Variants in CRYL1 observed in about 807,000 individuals in gnomAD.
CRYL1 encodes the protein lambda-crystallin homolog.
A neutral mutation model predicts 36.6 loss-of-function variants in CRYL1; 29 were observed. The ratio of observed to expected loss-of-function variants is 0.79; its 90% CI spans 0.59 to 1.08. The LOEUF is 1.08. CRYL1 is among the 50% of genes least tolerant of loss of function. The pLI is 0.00. For missense variants in CRYL1, 411 were observed against 407.9 expected, an observed-to-expected ratio of 1.01 and a Z score of -0.06; for synonymous variants, 152 against 151.5, an observed-to-expected ratio of 1.00 and a Z score of -0.02.
chr13:20,494,811 C>T (rs539151745), intron 2 of CRYL1, among the ~76,000 whole-genome samples: 60 of 152,356 alleles, frequency 3.9e-4, no homozygotes, highest in African/African-American at 1.4e-3. Context: ...TCGCCTCTTT[C>T]AGAGCAGACT....
chr13:20,491,582 G>A (rs1454098464), intron 2 of CRYL1, among the ~76,000 whole-genome samples: 2 of 152,172 alleles, frequency 1.3e-5, no homozygotes, highest in African/African-American at 4.8e-5. Flanking sequence ...CTTGAGGACG[G>A]GAGTTTGAGA....
chr13:20,472,124 G>C (rs1166788823), intron 3 of CRYL1, among the ~76,000 whole-genome samples: 1 of 152,026 alleles, frequency 6.6e-6, no homozygotes, highest in East Asian at 1.9e-4. Flanking sequence ...GCCTCCCAAA[G>C]TGTTAAGATT....
chr13:20,453,973 A>C (rs985650605), intron 3 of CRYL1, among the ~76,000 whole-genome samples: 3 of 152,210 alleles, frequency 2.0e-5, no homozygotes, highest in Non-Finnish European at 4.4e-5. Context: ...AGAAAACCTC[A>C]TTAGTCTATT....
intron 2 of CRYL1, among the ~76,000 whole-genome samples, chr13:20,505,359 C>CAAAAAAAAAAAATAA (rs2033775629): frequency 1.1e-5 from 1 of 91,222 alleles, no homozygotes; most frequent in African/African-American, 3.7e-5. Flanking sequence ...TCTATCCCAC[C>CAAAAAAAAAAAATAA]AAAAAAAAAA....
At chr13:20,499,209 G>C (rs1190772478) in intron 2 of CRYL1, among the ~76,000 whole-genome samples, 3 of 152,104 alleles carry the variant, frequency 2.0e-5, no homozygotes, top group Non-Finnish European at 4.4e-5. Context: ...AGCTGGGTGT[G>C]ATGGCGCATG....
intron 3 of CRYL1, among the ~76,000 whole-genome samples, chr13:20,465,988 C>T (rs564070903): frequency 1.4e-4 from 21 of 151,378 alleles, no homozygotes; most frequent in Non-Finnish European, 2.9e-4. Flanking sequence ...TTCTCCCTTT[C>T]ACCATGTGAT....
chr13:20,459,833 T>C (rs1339628749), intron 3 of CRYL1, among the ~76,000 whole-genome samples: 2 of 152,114 alleles, frequency 1.3e-5, no homozygotes, highest in Non-Finnish European at 1.5e-5. Flanking sequence ...ATGTACCCCT[T>C]GAACCTAAAA....
intron 2 of CRYL1, among the ~76,000 whole-genome samples, chr13:20,509,085 T>C (rs1036173250): frequency 1.3e-5 from 2 of 151,490 alleles, no homozygotes; most frequent in Non-Finnish European, 2.9e-5. Context: ...TCTCAGCTAA[T>C]TGGGAGGCCG....
intron 3 of CRYL1, among the ~76,000 whole-genome samples, chr13:20,453,896 A>G (rs571422462): frequency 6.6e-6 from 1 of 152,324 alleles, no homozygotes; most frequent in African/African-American, 2.4e-5. Flanking sequence ...AAGAAATCCT[A>G]CAACTTAGAA....
At position 20,415,462 on chromosome 13, in the gene CRYL1, G is replaced by A. The variant is rs1016281625; in HGVS notation, c.634-2075C>T. On this transcript the variant is annotated intron_variant, in intron 5 of 7. Transcript: ENST00000298248. This position sits in a 1 kb window ranked among gnomAD's most constrained non-coding sequence, Gnocchi z 4.1. ...ACACCGCCCTGCGTCTGCAGAGAGC[G>A]CGGCGGTGAAGCGGGAGCAGGCGGC... Among the ~76,000 whole-genome samples the A allele has an allele frequency of 2.0e-5, 3 of 152,180 alleles. No homozygotes were observed. The highest frequency in any genetic ancestry group is 6.5e-5 in the Admixed American group (1 of 15,286).
At chr13:20,504,758 T>C (rs944736216) in intron 2 of CRYL1, among the ~76,000 whole-genome samples, 7 of 152,232 alleles carry the variant, frequency 4.6e-5, no homozygotes, top group South Asian at 2.1e-4. Flanking sequence ...GTTTTAAGTT[T>C]CTTATTGTGC....
At chr13:20,480,401 G>A (rs892354036) in intron 3 of CRYL1, among the ~76,000 whole-genome samples, 3 of 151,000 alleles carry the variant, frequency 2.0e-5, no homozygotes, top group Admixed American at 6.6e-5. Flanking sequence ...AAAAATTACC[G>A]TCTTCCATTG....
At chr13:20,479,992 C>T (rs1241280475) in intron 3 of CRYL1, among the ~76,000 whole-genome samples, 1 of 152,182 alleles carries the variant, frequency 6.6e-6, no homozygotes, top group African/African-American at 2.4e-5. Context: ...ACCAGGTGAC[C>T]TCCCCATCCA....
chr13:20,499,359 AAAAATGTGGC>A (rs1340862149), intron 2 of CRYL1, among the ~76,000 whole-genome samples: 1 of 151,442 alleles, frequency 6.6e-6, no homozygotes, highest in Admixed American at 6.6e-5. Context: ...AAAAAAAAAA[AAAAATGTGGC>A]CGGGCGCAGT....
At chr13:20,451,468 A>G (rs1041958180) in intron 3 of CRYL1, among the ~76,000 whole-genome samples, 31 of 152,330 alleles carry the variant, frequency 2.0e-4, no homozygotes, top group African/African-American at 6.5e-4. Flanking sequence ...GAAAACATGA[A>G]AAATGAGCAA....
At chr13:20,490,899 G>C (rs968044159) in intron 2 of CRYL1, among the ~76,000 whole-genome samples, 1 of 151,856 alleles carries the variant, frequency 6.6e-6, no homozygotes, top group Non-Finnish European at 1.5e-5. Flanking sequence ...GTTTTGATTT[G>C]ATTTTTTGCT....
chr13:20,411,078 A>G (rs1324165551), intron 6 of CRYL1, among the ~76,000 whole-genome samples: 2 of 152,252 alleles, frequency 1.3e-5, no homozygotes, highest in Non-Finnish European at 2.9e-5. Context: ...CAGGCTAATA[A>G]CTACCCTTAA....
chr13:20,413,713 T>A (rs2031582317), intron 5 of CRYL1, among the ~76,000 whole-genome samples: 1 of 152,192 alleles, frequency 6.6e-6, no homozygotes, highest in Non-Finnish European at 1.5e-5. Flanking sequence ...CATGAAATAG[T>A]TTGTGTACAC....
At chr13:20,463,320 T>G (rs2032869482) in intron 3 of CRYL1, among the ~76,000 whole-genome samples, 1 of 152,338 alleles carries the variant, frequency 6.6e-6, no homozygotes, top group African/African-American at 2.4e-5. Context: ...CCCAGTGTCT[T>G]ACCTTGAAAA....
Sources: allele counts gnomAD v4.1 joint callset (sites outside exome capture counted in the v4.1 genomes callset), GRCh38; gene constraint gnomAD v4.1.1; non-coding constraint Gnocchi (gnomAD v3.1); transcripts MANE v1.5; gene names NCBI Gene and HGNC (gene_info 2026-07-23, HGNC 2026-07-21).